Variants in CADM1 observed in about 807,000 individuals in gnomAD.
The protein encoded by CADM1 is cell adhesion molecule 1, also known as TSLC-1.
Under a neutral mutation model 53.1 loss-of-function variants are expected in CADM1, and 15 were observed. The ratio of observed to expected loss-of-function variants is 0.28; its 90% confidence interval spans 0.19 to 0.44. The LOEUF is 0.44. Among genes scored for constraint, CADM1 ranks in the 20% least tolerant of loss-of-function variants. The probability of loss-of-function intolerance (pLI) is 1.00; values close to 1 mark genes in which losing one functional copy is unlikely to be tolerated. For synonymous variants in CADM1, 281 were observed against 243.0 expected, an observed-to-expected ratio of 1.16 and a Z score of -1.45; for missense variants, 434 against 611.3, an observed-to-expected ratio of 0.71 and a Z score of 3.06.
intron 1 of CADM1, among the ~76,000 whole-genome samples, chr11:115,276,157 T>C (rs1943437907): frequency 6.6e-6 from 1 of 152,248 alleles, no homozygotes; most frequent in Non-Finnish European, 1.5e-5. Context: ...TACTAGTATT[T>C]ATTAATTTCG....
chr11:115,295,406 C>T (rs1281276679), intron 1 of CADM1, among the ~76,000 whole-genome samples: 3 of 150,632 alleles, frequency 2.0e-5, no homozygotes, highest in Admixed American at 2.0e-4. Flanking sequence ...TGCTTCTGCC[C>T]TGGTTAAAGT....
chr11:115,306,072 C>CCCCACACACACACACACA (rs1555060495), intron 1 of CADM1, among the ~76,000 whole-genome samples: 39 of 130,432 alleles, frequency 3.0e-4, no homozygotes, highest in African/African-American at 9.2e-4. Context: ...AGGATATATA[C>CCCCACACACACACACACA]CACACACACA....
At chr11:115,200,496 T>C (rs1322487244) in intron 8 of CADM1, among the ~76,000 whole-genome samples, 3 of 152,182 alleles carry the variant, frequency 2.0e-5, no homozygotes, top group African/African-American at 4.8e-5. Context: ...TGCTTTCTTT[T>C]CTTTTCTTTT....
At chr11:115,371,787 T>G (rs568971040) in intron 1 of CADM1, among the ~76,000 whole-genome samples, 18 of 145,326 alleles carry the variant, frequency 1.2e-4, no homozygotes, top group African/African-American at 4.1e-4. Flanking sequence ...TACAGGCACC[T>G]GCCACCACGC....
intron 1 of CADM1, among the ~76,000 whole-genome samples, chr11:115,258,305 C>T (rs1467827847): frequency 6.6e-6 from 1 of 152,142 alleles, no homozygotes; most frequent in Non-Finnish European, 1.5e-5. Flanking sequence ...GATGTCATCC[C>T]TGTCTTTCTA....
intron 1 of CADM1, among the ~76,000 whole-genome samples, chr11:115,462,441 T>G (rs1214862544): frequency 6.6e-6 from 1 of 152,122 alleles, no homozygotes; most frequent in Non-Finnish European, 1.5e-5. Context: ...CTCCTTTGGC[T>G]GAATCACCCA....
intron 1 of CADM1, among the ~76,000 whole-genome samples, chr11:115,473,861 C>T (rs554647281): frequency 1.3e-5 from 2 of 152,068 alleles, no homozygotes; most frequent in South Asian, 4.2e-4. Context: ...AAATTAAGAA[C>T]CAGCAAAAGA....
chr11:115,207,662 G>C (rs990357293), intron 8 of CADM1, among the ~76,000 whole-genome samples: 2 of 152,100 alleles, frequency 1.3e-5, no homozygotes, highest in Admixed American at 6.6e-5. Flanking sequence ...GAGAAATGTG[G>C]TTGTTTATAT....
intron 1 of CADM1, chr11:115,399,443 G>A (rs2135207671): frequency 6.6e-6 from 1 of 152,310 alleles, no homozygotes; most frequent in East Asian, 1.9e-4. Flanking sequence ...CAGCATCAGA[G>A]AAGAGGAATG....
chr11:115,422,349 A>G (rs942965083), intron 1 of CADM1, among the ~76,000 whole-genome samples: 1 of 152,208 alleles, frequency 6.6e-6, no homozygotes, highest in Non-Finnish European at 1.5e-5. Flanking sequence ...TTTGACCCGA[A>G]GCTGCAGCTC....
intron 1 of CADM1, among the ~76,000 whole-genome samples, chr11:115,353,125 C>T (rs1258102677): frequency 2.0e-5 from 3 of 152,170 alleles, no homozygotes; most frequent in Non-Finnish European, 4.4e-5. Context: ...TAAGCTTCTA[C>T]AAGATGTAGA....
chr11:115,238,342 T>G (rs1942082757), intron 3 of CADM1, among the ~76,000 whole-genome samples, 158 bp downstream of exon 3: 1 of 152,204 alleles, frequency 6.6e-6, no homozygotes, highest in Non-Finnish European at 1.5e-5. Flanking sequence ...CTTACAGCAT[T>G]TGGTAAAATA....
At chr11:115,483,609 A>G (rs763052338) in intron 1 of CADM1, among the ~76,000 whole-genome samples, 11 of 152,228 alleles carry the variant, frequency 7.2e-5, no homozygotes, top group Non-Finnish European at 1.5e-4. Flanking sequence ...CCAATGTTCA[A>G]TATAAACCTA....
chr11:115,340,699 C>T (rs1347543256), intron 1 of CADM1, among the ~76,000 whole-genome samples: 8 of 116,596 alleles, frequency 6.9e-5, no homozygotes, highest in South Asian at 2.8e-4. Context: ...CTCACTCTGT[C>T]GCCCAGGCTG....
chr11:115,475,616 T>C (rs1949114466), intron 1 of CADM1, among the ~76,000 whole-genome samples: 1 of 152,188 alleles, frequency 6.6e-6, no homozygotes, highest in Non-Finnish European at 1.5e-5. Context: ...GATAGATAGG[T>C]ACATAGAGTA....
intron 6 of CADM1, among the ~76,000 whole-genome samples, chr11:115,215,845 G>C (rs1941159383): frequency 6.6e-6 from 1 of 152,196 alleles, no homozygotes; most frequent in Non-Finnish European, 1.5e-5. Flanking sequence ...AGTTCCTACA[G>C]CTGCCTCTAG....
At chr11:115,351,362 A>G (rs1224077654) in intron 1 of CADM1, among the ~76,000 whole-genome samples, 1 of 152,220 alleles carries the variant, frequency 6.6e-6, no homozygotes, top group African/African-American at 2.4e-5. Context: ...AAATCTGACA[A>G]CAAAAGAATT....
intron 1 of CADM1, among the ~76,000 whole-genome samples, chr11:115,259,143 G>A (rs889337653): frequency 4.0e-5 from 6 of 151,730 alleles, no homozygotes; most frequent in East Asian, 3.9e-4. Context: ...GTGCCACCAC[G>A]CCCAGCTAAT....
At chr11:115,281,257 G>A (rs1943576247) in intron 1 of CADM1, among the ~76,000 whole-genome samples, 3 of 152,178 alleles carry the variant, frequency 2.0e-5, no homozygotes, top group Non-Finnish European at 4.4e-5. Context: ...CCAGAGCGTA[G>A]GAGGCAGGCT....
Sources: gnomAD v4.1 joint callset for allele counts (sites outside exome capture counted in the v4.1 genomes callset) on GRCh38, gnomAD v4.1.1 for gene constraint, MANE v1.5 for transcripts, NCBI Gene and HGNC (gene_info 2026-07-23, HGNC 2026-07-21) for gene names.